The following TACC2 variants were observed in gnomAD, a reference collection of about 807,000 sequenced individuals.
TACC2 encodes transforming acidic coiled-coil containing protein 2, also known as transforming acidic coiled-coil-containing protein 2.
TACC2 carries 137 observed loss-of-function variants against 227.3 expected under a neutral mutation model. The observed-to-expected ratio is 0.60, with a 90% confidence interval of 0.52 to 0.69. The LOEUF is 0.69. Among genes scored for constraint, TACC2 ranks in the 30% least tolerant of loss-of-function variants. TACC2 has a pLI of 0.00. For synonymous variants in TACC2, 1,523 were observed against 1,487.5 expected (o/e 1.02, Z -0.55); for missense variants, 3,470 against 3,694.4 (o/e 0.94, Z 1.57).
intron 6 of TACC2, among the ~76,000 whole-genome samples, chr10:122,133,103 A>G (rs2088718240): frequency 6.6e-6 from 1 of 152,176 alleles, no homozygotes; most frequent in African/African-American, 2.4e-5. Flanking sequence ...CGGTTGAGTT[A>G]GCTGCCTTCT....
intron 5 of TACC2, among the ~76,000 whole-genome samples, chr10:122,112,548 C>T (rs918565180): frequency 1.3e-5 from 2 of 152,244 alleles, no homozygotes; most frequent in African/African-American, 4.8e-5. Context: ...GCTCCAGGAA[C>T]AAGCGAGGCA....
intron 3 of TACC2, among the ~76,000 whole-genome samples, chr10:122,074,111 C>T (rs1241843652): frequency 4.6e-5 from 6 of 131,742 alleles, no homozygotes; most frequent in East Asian, 2.5e-4. Flanking sequence ...GACGGAGTAT[C>T]GCTCTGTTGC....
intron 5 of TACC2, among the ~76,000 whole-genome samples, chr10:122,126,289 T>C (rs946047813): frequency 7.8e-5 from 11 of 140,838 alleles, no homozygotes; most frequent in African/African-American, 2.7e-4. Flanking sequence ...AGATTATTAC[T>C]TTTATTCCAT....
Position 122,211,719 on chromosome 10 carries a change from G to A in TACC2, c.7283+11G>A, listed in dbSNP as rs751051137. 20 of 1,532,562 alleles carry A rather than the reference G, an allele frequency of 1.3e-5. No homozygotes were observed. Among genetic ancestry groups the A allele is most frequent in the Non-Finnish European group, 1.7e-5 (20 of 1,145,682 alleles). 94.9% of individuals were successfully genotyped at this position (1,532,562 alleles called of 1,614,324 possible). The stretch of plus-strand genomic sequence containing the variant: ...GACGCCCCTAAAGACGTAAGTTCAG[G>A]GGTGGAGGTGGTAAGGATCAGAGGC... On this transcript the variant is annotated intron_variant, in intron 9 of 22. Transcript: ENST00000369005.
In TACC2 at chr10:122,087,729, A is replaced by C; in HGVS notation, c.5229A>C (p.Pro1743=). ...FSVVAGDLVL[P]GSCQDPACSD... is the part of the protein sequence containing the mutation. Reference sequence around the variant, plus strand: ...TTGTGGCAGGTGACTTGGTGCTGCCAGGAAGCTGTCAGGACCCAGCCTGCT... The same window carrying C: ...TTGTGGCAGGTGACTTGGTGCTGCCCGGAAGCTGTCAGGACCCAGCCTGCT... The change falls in exon 4 of 23, where the codon CCA becomes CCC. Residue 1743 remains proline (P), a synonymous_variant. Transcript: ENST00000369005. 6.2e-7 allele frequency: 1 copy of C among 1,612,126 alleles called. No homozygotes were observed. The highest frequency in any genetic ancestry group is 8.5e-7 in the Non-Finnish European group (1 of 1,179,566).
At position 122,141,622 on chromosome 10, in the gene TACC2, G is replaced by T. The variant is rs1274072479; in HGVS notation, c.5700-1950G>T. Among the ~76,000 whole-genome samples the T allele has an allele frequency of 1.3e-5, 2 of 152,102 alleles. No homozygotes were observed. Among genetic ancestry groups the T allele is most frequent in the Non-Finnish European group, 2.9e-5 (2 of 68,032 alleles). ...TCTGCATCAGATCCCAGGGCTGTCA[G>T]CTGTCACAGAGCTGGCTTTGTTGTG... On this transcript the variant is annotated intron_variant, in intron 6 of 22. Transcript: ENST00000369005. The surrounding 1 kb of genome is among the most constrained non-coding windows in gnomAD (Gnocchi z 4.3).
chr10:122,086,474 C>A lies in TACC2; in HGVS notation c.3974C>A (p.Ser1325Tyr), dbSNP rs1259728976. The A allele has an allele frequency of 6.2e-7, 1 of 1,613,818 alleles. No homozygotes were observed. ...AGAACCACTGAGGGACCAGTGGACT[C>A]CATGCCATGCCTGGACCGGATGCCA... ...KARTTEGPVD[S>Y]MPCLDRMPLL... is the part of the protein sequence containing the mutation. The change falls in exon 4 of 23, where the codon TCC (serine) becomes TAC (tyrosine). Residue 1325 changes from serine to tyrosine, a missense_variant. Ser to Tyr is a moderately radical substitution (Grantham distance 144). Around this residue, in one of 10 missense-constraint regions of TACC2, gnomAD observed 1,924 missense variants for 1,978.3 expected, o/e 0.97. Transcript: ENST00000369005.
intron 1 of TACC2, among the ~76,000 whole-genome samples, chr10:122,019,120 T>A (rs1286537334): frequency 6.6e-6 from 1 of 152,192 alleles, no homozygotes; most frequent in Non-Finnish European, 1.5e-5. Flanking sequence ...GGAGGGTCTT[T>A]GGGTCGGTAC....
At chr10:122,040,218 A>G (rs2074077746) in intron 2 of TACC2, among the ~76,000 whole-genome samples, 1 of 152,180 alleles carries the variant, frequency 6.6e-6, no homozygotes, top group Non-Finnish European at 1.5e-5. Flanking sequence ...GTGGGAGGAC[A>G]CGGTCCAATG....
At position 122,194,717 on chromosome 10, in the gene TACC2, C is replaced by A. The variant is rs1467153179; in HGVS notation, c.5835-323C>A. Among the ~76,000 whole-genome samples the A allele has an allele frequency of 6.6e-6, 1 of 152,192 alleles. No individual in the cohort carries two copies. The highest frequency in any genetic ancestry group is 2.4e-5 in the African/African-American group (1 of 41,442). ...GAACATGCAGAATGCCTCTCTCTCT[C>A]TATTTGAATCAATACCTAATAATGA... On this transcript the variant is annotated intron_variant, in intron 7 of 22. Coordinates refer to ENST00000369005, the MANE Select transcript of TACC2 (RefSeq NM_206862.4). This position sits in a 1 kb window ranked among gnomAD's most constrained non-coding sequence, Gnocchi z 4.4.
Position 121,989,813 on chromosome 10 carries a change from G to A in TACC2, c.-46+325G>A, listed in dbSNP as rs191830712. Reference sequence around the variant, plus strand: ...TACTCTGTCATCCAAGCCAGAGTGCGGTGGCATGATCATGGCTCACTGTAG... The same window carrying A: ...TACTCTGTCATCCAAGCCAGAGTGCAGTGGCATGATCATGGCTCACTGTAG... On this transcript the variant is annotated intron_variant, in intron 1 of 22. Coordinates refer to ENST00000369005, the MANE Select transcript of TACC2 (RefSeq NM_206862.4). Among the ~76,000 whole-genome samples, 40 of 151,274 alleles carry A rather than the reference G, an allele frequency of 2.6e-4. 1 individual carries two copies. Among genetic ancestry groups the A allele is most frequent in the African/African-American group, 8.7e-4 (36 of 41,188 alleles).
Position 122,121,444 on chromosome 10 carries a change from G to C in TACC2, c.5574-11165G>C, listed in dbSNP as rs186117105. Among the ~76,000 whole-genome samples, 827 of 152,280 alleles carry C rather than the reference G, an allele frequency of 5.4e-3. 7 individuals are homozygous for C. The highest frequency in any genetic ancestry group is 0.019 in the African/African-American group (796 of 41,552). On this transcript the variant is annotated intron_variant, in intron 5 of 22. Coordinates refer to ENST00000369005, the MANE Select transcript of TACC2 (RefSeq NM_206862.4). ...TTGTACAGCTCTTTATTGCTGGAGT[G>C]GGGTCAGGCTTGGGCAGTCTGGCCC...
Position 122,038,694 on chromosome 10 carries a change from A to C in TACC2, c.34-11744A>C, listed in dbSNP as rs79529532. Among the ~76,000 whole-genome samples, 1,027 of 152,318 alleles carry C rather than the reference A, an allele frequency of 6.7e-3. 9 individuals are homozygous for C. The highest frequency in any genetic ancestry group is 0.024 in the African/African-American group (989 of 41,560). On this transcript the variant is annotated intron_variant, in intron 2 of 22. Transcript: ENST00000369005. ...TTCTAAGTGAGCACAGAGTCAGATA[A>C]GCTTGTCCTATAGGGAGTGTCTGGT... is the stretch of plus-strand genomic sequence containing the variant.
intron 1 of TACC2, among the ~76,000 whole-genome samples, chr10:122,016,685 T>C (rs1956688837): frequency 6.6e-6 from 1 of 152,136 alleles, no homozygotes. Flanking sequence ...TGGGGTGTCA[T>C]TGCCTTCCCA....
At chr10:122,193,545 A>G (rs1248283668) in intron 7 of TACC2, among the ~76,000 whole-genome samples, 1 of 152,114 alleles carries the variant, frequency 6.6e-6, no homozygotes, top group Admixed American at 6.5e-5. Context: ...TGGTGCACAC[A>G]CTGTCCGTAC....
chr10:122,042,014 C>T (rs543668673), intron 2 of TACC2, among the ~76,000 whole-genome samples: 6 of 152,298 alleles, frequency 3.9e-5, no homozygotes, highest in South Asian at 4.1e-4. Context: ...GGCGCGATCT[C>T]GGCTCACTGC....
chr10:122,236,102 C>T lies in TACC2; in HGVS notation c.8128-1293C>T, dbSNP rs189236413. Among the ~76,000 whole-genome samples, 39 of 152,312 alleles carry T rather than the reference C, an allele frequency of 2.6e-4. 2 individuals carry two copies. Among genetic ancestry groups the T allele is most frequent in the Admixed American group, 1.9e-3 (29 of 15,300 alleles). The stretch of plus-strand genomic sequence containing the variant: ...TTCTTGAGTTTTCCAAGCTGTCTCC[C>T]TTCTCGGGTTCATTTTCCCTGATGC... On this transcript the variant is annotated intron_variant, in intron 16 of 22. Coordinates refer to ENST00000369005, the MANE Select transcript of TACC2 (RefSeq NM_206862.4).
At chr10:122,146,263 C>T (rs1389988031) in intron 7 of TACC2, among the ~76,000 whole-genome samples, 1 of 151,758 alleles carries the variant, frequency 6.6e-6, no homozygotes, top group African/African-American at 2.4e-5. Context: ...ACAGCATGTG[C>T]ATGGACCCTG....
chr10:122,123,325 C>T lies in TACC2; in HGVS notation c.5574-9284C>T, dbSNP rs563719617. On this transcript the variant is annotated intron_variant, in intron 5 of 22. Coordinates refer to ENST00000369005, the MANE Select transcript of TACC2 (RefSeq NM_206862.4). ...TGGCCTGGTCTTAGAAATCTTGTTA[C>T]TCACCTGGCCCCACTCCATGCCTGG... is the stretch of plus-strand genomic sequence containing the variant. Among the ~76,000 whole-genome samples, 8 of 152,264 alleles carry T rather than the reference C, an allele frequency of 5.3e-5. No individual in the cohort carries two copies. The East Asian group carries it at 1.5e-3, about 29-fold the overall frequency.
Sources: gnomAD v4.1 joint callset for allele counts (sites outside exome capture counted in the v4.1 genomes callset) on GRCh38, gnomAD v4.1.1 for gene constraint, gnomAD v4.1.1 regional missense constraint, Gnocchi (gnomAD v3.1) non-coding constraint, MANE v1.5 for transcripts, NCBI Gene and HGNC (gene_info 2026-07-23, HGNC 2026-07-21) for gene names.